Variants in TIAM1 observed in about 807,000 individuals in gnomAD.
The protein encoded by TIAM1 is TIAM Rac1 associated GEF 1.
Under a neutral mutation model 163.5 loss-of-function variants are expected in TIAM1, and 65 were observed. The observed-to-expected ratio is 0.40, with a 90% confidence interval of 0.33 to 0.49. The LOEUF (loss-of-function observed/expected upper bound fraction) is 0.49, where lower values mean the gene tolerates loss of function less well. Ranked by LOEUF, TIAM1 falls within the 20% of genes least tolerant of loss-of-function variation. The pLI, the probability that TIAM1 is intolerant of heterozygous loss-of-function variation, is 0.77. For missense variants in TIAM1, 1,789 were observed against 2,044.7 expected, an observed-to-expected ratio of 0.87 and a Z score of 2.41; for synonymous variants, 833 against 810.1, an observed-to-expected ratio of 1.03 and a Z score of -0.48.
chr21:31,396,588 T>C (rs2077073996), intron 2 of TIAM1, among the ~76,000 whole-genome samples: 1 of 148,590 alleles, frequency 6.7e-6, no homozygotes. Context: ...TATAATAATA[T>C]GAAATATTAT....
At chr21:31,466,839 C>G (rs1416609304) in intron 1 of TIAM1, among the ~76,000 whole-genome samples, 1 of 152,252 alleles carries the variant, frequency 6.6e-6, no homozygotes, top group Non-Finnish European at 1.5e-5. Context: ...GGGAAACTAC[C>G]TTTGCACATA....
intron 2 of TIAM1, among the ~76,000 whole-genome samples, chr21:31,333,174 G>T (rs2075731798): frequency 6.6e-6 from 1 of 152,204 alleles, no homozygotes; most frequent in South Asian, 2.1e-4. Flanking sequence ...AGAGGCTAGG[G>T]TTTCTCAGCT....
intron 16 of TIAM1, chr21:31,160,453 G>C: frequency 2.5e-6 from 1 of 398,666 alleles, no homozygotes; most frequent in Non-Finnish European, 4.4e-6. Flanking sequence ...ACCAGATGAA[G>C]TGTTCGATAC....
chr21:31,381,851 A>C (rs2076784485), intron 2 of TIAM1, among the ~76,000 whole-genome samples: 2 of 152,092 alleles, frequency 1.3e-5, no homozygotes, highest in South Asian at 4.2e-4. Flanking sequence ...AAACAAAAAG[A>C]ACAGACACTA....
intron 26 of TIAM1, 114 bp downstream of exon 26, chr21:31,126,951 A>T: frequency 1.1e-6 from 1 of 951,912 alleles, no homozygotes; most frequent in Non-Finnish European, 1.6e-6. Context: ...ACTGCATCTC[A>T]GTGATGTTAC....
rs59110882 is a variant in TIAM1, at chr21:31,451,718, CGTGTGTGTGTGT to C, written c.-369+12253_-369+12264del. Among the ~76,000 whole-genome samples, 146 of 142,268 alleles carry C rather than the reference CGTGTGTGTGTGT, an allele frequency of 1.0e-3. 2 individuals are homozygous for C. The highest frequency in any genetic ancestry group is 3.2e-3 in the African/African-American group (121 of 38,390). The allele number at this position is 142,268 out of a possible 152,430, so 93.3% of individuals were successfully genotyped here. The stretch of plus-strand genomic sequence containing the variant: ...CAGGCTGAGTGAAAGCATGTGTGTG[CGTGTGTGTGTGT>C]GTGTGTGTGTGTGTGTGTGTGTGTG... On this transcript the variant is annotated intron_variant, in intron 2 of 28. Transcript: ENST00000286827.
chr21:31,528,142 G>C (rs2047848444), intron 1 of TIAM1, among the ~76,000 whole-genome samples: 1 of 152,150 alleles, frequency 6.6e-6, no homozygotes, highest in Non-Finnish European at 1.5e-5. Context: ...GCAGGGAGGG[G>C]GGATGCCGAT....
chr21:31,210,391 T>C (rs938274796), intron 10 of TIAM1, among the ~76,000 whole-genome samples, 176 bp from the exon 11 acceptor site: 4 of 151,242 alleles, frequency 2.6e-5, no homozygotes, highest in Admixed American at 6.6e-5. Flanking sequence ...GAAAGCAGAT[T>C]TATGGTGCAA....
chr21:31,531,079 C>T (rs912779242), intron 1 of TIAM1, among the ~76,000 whole-genome samples: 1 of 152,152 alleles, frequency 6.6e-6, no homozygotes, highest in Non-Finnish European at 1.5e-5. Flanking sequence ...TTCTACAGCT[C>T]TTTGTGTTTT....
rs144325534 is a variant in TIAM1, at chr21:31,505,085, C to T, written c.-421-41050G>A. On this transcript the variant is annotated intron_variant, in intron 1 of 28. Coordinates refer to the TIAM1 transcript ENST00000286827. ...TAGGACACAGAATGAGTGAGGACCC[C>T]ATGGGCCTAAAGCAGCATCCCATGG... is the stretch of plus-strand genomic sequence containing the variant. Among the ~76,000 whole-genome samples the T allele has an allele frequency of 2.8e-3, 428 of 152,258 alleles. 6 individuals carry two copies. The highest frequency in any genetic ancestry group is 9.2e-3 in the African/African-American group (384 of 41,554).
intron 2 of TIAM1, among the ~76,000 whole-genome samples, chr21:31,307,289 C>T (rs983293349): frequency 7.2e-5 from 11 of 152,100 alleles, no homozygotes; most frequent in African/African-American, 2.7e-4. Flanking sequence ...GTATCCACAC[C>T]CTCAGCCAGC....
chr21:31,330,759 C>A (rs1016709), intron 2 of TIAM1, among the ~76,000 whole-genome samples: 27,641 of 152,100 alleles, frequency 0.18, 3,742 homozygotes, highest in East Asian at 0.44. Context: ...AAGAGAAATG[C>A]AAAGAATGAC....
intron 4 of TIAM1, among the ~76,000 whole-genome samples, chr21:31,261,708 G>A (rs948862139): frequency 1.5e-5 from 2 of 131,174 alleles, no homozygotes; most frequent in Admixed American, 7.3e-5. Flanking sequence ...GTGAGACTCC[G>A]TCTCAAAAAA....
At chr21:31,244,446 T>C (rs564932508) in intron 6 of TIAM1, among the ~76,000 whole-genome samples, 41 of 152,318 alleles carry the variant, frequency 2.7e-4, no homozygotes, top group Middle Eastern at 6.8e-3. Context: ...AACTGTCAGC[T>C]GGGCGCAGTG....
At chr21:31,206,171 G>A (rs1180537451) in intron 11 of TIAM1, among the ~76,000 whole-genome samples, 1 of 152,090 alleles carries the variant, frequency 6.6e-6, no homozygotes, top group Non-Finnish European at 1.5e-5. Flanking sequence ...CTCAAAACAG[G>A]ACATTGGATC....
chr21:31,314,614 A>AT (rs145315714), intron 2 of TIAM1, among the ~76,000 whole-genome samples: 2,432 of 152,198 alleles, frequency 0.016, 71 homozygotes, highest in African/African-American at 0.057. Context: ...ATTCCAATAT[A>AT]TTTTTTTAGA....
intron 1 of TIAM1, among the ~76,000 whole-genome samples, chr21:31,553,941 G>A (rs909733665): frequency 1.3e-5 from 2 of 152,048 alleles, no homozygotes; most frequent in African/African-American, 4.8e-5. Context: ...CAGATGACGC[G>A]GTGGCTTTCT....
intron 1 of TIAM1, among the ~76,000 whole-genome samples, chr21:31,542,093 T>TC (rs1198762112): frequency 6.6e-6 from 1 of 152,110 alleles, no homozygotes. Context: ...GCCAGGCTCC[T>TC]CCCATGAAGA....
intron 2 of TIAM1, among the ~76,000 whole-genome samples, chr21:31,315,581 A>G (rs562246879): frequency 2.0e-5 from 3 of 150,560 alleles, no homozygotes; most frequent in Admixed American, 2.0e-4. Context: ...AGACTGAGGC[A>G]GGAGAATCAC....
Sources: allele counts gnomAD v4.1 joint callset (sites outside exome capture counted in the v4.1 genomes callset), GRCh38; gene constraint gnomAD v4.1.1; transcripts MANE v1.5; gene names NCBI Gene and HGNC (gene_info 2026-07-23, HGNC 2026-07-21).